The following DDX60L variants were observed in gnomAD, a reference collection of about 807,000 sequenced individuals.
The protein encoded by DDX60L is DExD/H-box 60 like, also known as probable ATP-dependent RNA helicase DDX60-like.
In DDX60L, 191 loss-of-function variants were observed where a neutral mutation model predicts 211.6. The ratio of observed to expected loss-of-function variants is 0.90; its 90% CI spans 0.80 to 1.02. The LOEUF (loss-of-function observed/expected upper bound fraction) is 1.02, where lower values mean the gene tolerates loss of function less well. Among genes scored for constraint, DDX60L ranks in the 50% least tolerant of loss-of-function variants. The pLI is 0.00. For synonymous variants in DDX60L, 706 were observed against 694.1 expected (o/e 1.02, Z -0.27); for missense variants, 2,007 against 1,984.1 (o/e 1.01, Z -0.22).
chr4:168,371,159 T>A (rs1041287378), intron 36 of DDX60L, among the ~76,000 whole-genome samples: 3 of 151,620 alleles, frequency 2.0e-5, no homozygotes, highest in African/African-American at 4.8e-5. Context: ...TCTTTCTTAA[T>A]GAATAATTAG....
chr4:168,428,984 A>G (rs564890717), intron 13 of DDX60L, among the ~76,000 whole-genome samples: 2 of 152,324 alleles, frequency 1.3e-5, no homozygotes, highest in South Asian at 4.1e-4. Flanking sequence ...CTTACCTTTA[A>G]TATAAACAAA....
At chr4:168,396,378 T>C (rs1745794156) in intron 26 of DDX60L, among the ~76,000 whole-genome samples, 1 of 152,072 alleles carries the variant, frequency 6.6e-6, no homozygotes, top group South Asian at 2.1e-4. Flanking sequence ...CTGTAACAGA[T>C]ATCCAGTTCT....
intron 17 of DDX60L, 74 bp from the exon 18 acceptor site, chr4:168,420,454 CCATACACATACACACACA>C: frequency 1.3e-6 from 1 of 744,208 alleles, no homozygotes; most frequent in African/African-American, 2.4e-5. Context: ...ACAACCGAAT[CCATACACATACACACACA>C]CACACACACA....
At chr4:168,450,132 G>A (rs998140701) in intron 8 of DDX60L, among the ~76,000 whole-genome samples, 1 of 152,140 alleles carries the variant, frequency 6.6e-6, no homozygotes, top group African/African-American at 2.4e-5. Flanking sequence ...GCAGCTGGAG[G>A]CTACAAGATT....
chr4:168,479,520 G>C (rs943898414), intron 1 of DDX60L, among the ~76,000 whole-genome samples: 11 of 152,050 alleles, frequency 7.2e-5, no homozygotes, highest in African/African-American at 2.7e-4. Context: ...AATCCTTAAG[G>C]CCCCATCACG....
intron 27 of DDX60L, among the ~76,000 whole-genome samples, 154 bp from the exon 28 acceptor site, chr4:168,394,771 C>T (rs1418727652): frequency 3.3e-5 from 5 of 152,190 alleles, no homozygotes; most frequent in African/African-American, 1.2e-4. Context: ...TTTATGACTA[C>T]GGAAACAATC....
intron 22 of DDX60L, among the ~76,000 whole-genome samples, chr4:168,409,804 C>T (rs1291368440): frequency 6.6e-6 from 1 of 152,158 alleles, no homozygotes; most frequent in Admixed American, 6.5e-5. Flanking sequence ...GGGGTCAGAA[C>T]TTCTGAGTTT....
chr4:168,403,271 G>A (rs1747148380), intron 25 of DDX60L, among the ~76,000 whole-genome samples: 1 of 151,556 alleles, frequency 6.6e-6, no homozygotes, highest in Non-Finnish European at 1.5e-5. Flanking sequence ...GAACACATGT[G>A]GCTTAGTGCT....
At chr4:168,432,598 A>T (rs1297419697) in intron 11 of DDX60L, 28 bp from the exon 12 acceptor site, 8 of 1,375,664 alleles carry the variant, frequency 5.8e-6, no homozygotes, top group African/African-American at 1.5e-5. Context: ...TAATTTTTTT[A>T]AATTTTAAGC....
At chr4:168,473,109 G>A (rs1179144757) in intron 1 of DDX60L, among the ~76,000 whole-genome samples, 1 of 152,148 alleles carries the variant, frequency 6.6e-6, no homozygotes, top group Non-Finnish European at 1.5e-5. Flanking sequence ...ATGTGCAAAG[G>A]CCCTGTGACA....
intron 27 of DDX60L, among the ~76,000 whole-genome samples, chr4:168,395,276 T>C (rs975976493): frequency 6.6e-6 from 1 of 152,172 alleles, no homozygotes; most frequent in Non-Finnish European, 1.5e-5. Flanking sequence ...TGTAGCTCTA[T>C]TGTTGTTGGC....
intron 14 of DDX60L, among the ~76,000 whole-genome samples, chr4:168,425,881 A>C (rs945783512): frequency 6.6e-5 from 10 of 152,236 alleles, no homozygotes; most frequent in African/African-American, 2.4e-4. Flanking sequence ...CACACACTAC[A>C]AGCCATATGA....
intron 33 of DDX60L, among the ~76,000 whole-genome samples, chr4:168,376,970 A>G (rs1288375124): frequency 1.2e-4 from 18 of 152,230 alleles, no homozygotes; most frequent in Admixed American, 1.2e-3. Flanking sequence ...CACACAGAAC[A>G]TTGAGTAATT....
intron 10 of DDX60L, among the ~76,000 whole-genome samples, chr4:168,433,514 T>A (rs1320482919): frequency 6.6e-6 from 1 of 152,030 alleles, no homozygotes; most frequent in African/African-American, 2.4e-5. Flanking sequence ...ATCACAAAAA[T>A]AGGAAAAAAT....
rs984648591 is a variant in DDX60L, at chr4:168,400,904, T to C, written c.3413A>G (p.His1138Arg). The change falls in exon 26 of 38, where the codon CAT becomes CGT. Residue 1138 changes from histidine (H) to arginine (R), a missense_variant. Coordinates refer to ENST00000682922, the MANE Select transcript of DDX60L (RefSeq NM_001012967.3). ...ATAACTATGACATTCAGTGTGGGGATGGCTTTTTGTCTCTGTCTTCTCCAG... is the reference window on the plus strand; with the variant it reads ...ATAACTATGACATTCAGTGTGGGGACGGCTTTTTGTCTCTGTCTTCTCCAG... ...TFLEKTETKSHPHTECHSYVF... is the reference protein window; with the variant it reads ...TFLEKTETKSRPHTECHSYVF... 4 of 1,613,660 alleles carry C rather than the reference T, an allele frequency of 2.5e-6. No individual in the cohort carries two copies. In the Admixed American group the frequency reaches 5.0e-5, roughly 20 times the overall value.
intron 26 of DDX60L, 113 bp downstream of exon 26, chr4:168,400,713 G>T: frequency 1.1e-6 from 1 of 909,046 alleles, no homozygotes; most frequent in Non-Finnish European, 1.6e-6. Flanking sequence ...CAAAAACTGT[G>T]AAGCAATAAC....
At chr4:168,392,235 A>G (rs1744961428) in intron 28 of DDX60L, among the ~76,000 whole-genome samples, 1 of 152,214 alleles carries the variant, frequency 6.6e-6, no homozygotes, top group South Asian at 2.1e-4. Context: ...TGATCTAATT[A>G]ATTGAAGGAT....
At chr4:168,447,497 G>A (rs1188572601) in intron 9 of DDX60L, among the ~76,000 whole-genome samples, 1 of 151,902 alleles carries the variant, frequency 6.6e-6, no homozygotes, top group African/African-American at 2.4e-5. Context: ...ATCTAGACCT[G>A]GAAATACCAT....
At chr4:168,374,651 A>G (rs1018372858) in intron 34 of DDX60L, among the ~76,000 whole-genome samples, 7 of 152,190 alleles carry the variant, frequency 4.6e-5, no homozygotes, top group South Asian at 2.1e-4. Flanking sequence ...ACGTGACTAA[A>G]GCTAAAGTGA....
Sources: allele counts gnomAD v4.1 joint callset (sites outside exome capture counted in the v4.1 genomes callset), GRCh38; gene constraint gnomAD v4.1.1; transcripts MANE v1.5; gene names NCBI Gene and HGNC (gene_info 2026-07-23, HGNC 2026-07-21).